The following TEK variants were observed in gnomAD, a reference collection of about 807,000 sequenced individuals.
TEK encodes TEK receptor tyrosine kinase, also known as angiopoietin-1 receptor.
A neutral mutation model predicts 131.8 loss-of-function variants in TEK; 43 were observed. The ratio of observed to expected loss-of-function variants is 0.33; its 90% confidence interval spans 0.26 to 0.42. The LOEUF (loss-of-function observed/expected upper bound fraction) is 0.42, where lower values mean the gene tolerates loss of function less well. TEK is among the 10% of genes least tolerant of loss of function. The pLI, the probability that TEK is intolerant of heterozygous loss-of-function variation, is 1.00. For missense variants in TEK, 1,162 were observed against 1,384.4 expected (o/e 0.84, Z 2.55); for synonymous variants, 580 against 491.6 (o/e 1.18, Z -2.38).
chr9:27,152,590 G>GAC (rs1823167734), intron 1 of TEK, among the ~76,000 whole-genome samples: 1 of 141,494 alleles, frequency 7.1e-6, no homozygotes, highest in Admixed American at 7.1e-5. Context: ...CTTATATGAA[G>GAC]CCCCCCCGCC....
chr9:27,225,902 C>G (rs1407291411), intron 21 of TEK, among the ~76,000 whole-genome samples: 1 of 151,980 alleles, frequency 6.6e-6, no homozygotes, highest in Non-Finnish European at 1.5e-5. Flanking sequence ...AAAAAAACAA[C>G]CCCATCAAAA....
chr9:27,225,430 A>G (rs1014763479), intron 21 of TEK, among the ~76,000 whole-genome samples: 2 of 152,192 alleles, frequency 1.3e-5, no homozygotes, highest in African/African-American at 4.8e-5. Context: ...CTCAGGAATA[A>G]CACCACACAT....
At chr9:27,190,391 G>A (rs1228154629) in intron 9 of TEK, 138 bp from the exon 10 acceptor site, 2 of 958,188 alleles carry the variant, frequency 2.1e-6, no homozygotes, top group African/African-American at 1.6e-5. Context: ...TTAGAGAGCA[G>A]GTGATCTCAC....
chr9:27,145,023 G>A (rs1822863468), intron 1 of TEK, among the ~76,000 whole-genome samples: 1 of 152,186 alleles, frequency 6.6e-6, no homozygotes, highest in African/African-American at 2.4e-5. Context: ...AAATGTAAGT[G>A]GGGGTTCTTG....
intron 21 of TEK, among the ~76,000 whole-genome samples, chr9:27,221,645 A>G (rs1402521641): frequency 6.6e-6 from 1 of 152,174 alleles, no homozygotes; most frequent in Admixed American, 6.5e-5. Flanking sequence ...ACCTCCAGCC[A>G]ACTCCAGCAG....
chr9:27,169,863 C>T (rs546488491), intron 4 of TEK, among the ~76,000 whole-genome samples: 2 of 152,280 alleles, frequency 1.3e-5, no homozygotes, highest in East Asian at 3.9e-4. Context: ...TTTAATATTA[C>T]AAATACTTGA....
chr9:27,218,822 GTATC>G lies in TEK; in HGVS notation c.3103+9_3103+12del. On this transcript the variant is annotated splice_donor_region_variant and intron_variant, in intron 20 of 22. Transcript: ENST00000380036. ...TATGGGAGATTGTTAGCTTAGGTGA[GTATC>G]TATGTTTATCTACCAGGTGAGACTC... 1.1e-5 allele frequency: 18 copies of G among 1,613,876 alleles called. No individual in the cohort carries two copies. The highest frequency in any genetic ancestry group is 1.4e-5 in the Non-Finnish European group (17 of 1,179,832).
At chr9:27,118,282 T>A (rs1821645709) in intron 1 of TEK, among the ~76,000 whole-genome samples, 1 of 152,194 alleles carries the variant, frequency 6.6e-6, no homozygotes, top group African/African-American at 2.4e-5. Flanking sequence ...TATTATTATT[T>A]TTTTAATAGA....
intron 1 of TEK, among the ~76,000 whole-genome samples, chr9:27,117,156 C>T (rs1301073055): frequency 6.6e-6 from 1 of 152,112 alleles, no homozygotes; most frequent in African/African-American, 2.4e-5. Context: ...TGAGCCACTG[C>T]GCCCGGCCGG....
At chr9:27,212,974 G>C in intron 17 of TEK, 77 bp downstream of exon 17, 1 of 1,477,620 alleles carries the variant, frequency 6.8e-7, no homozygotes, top group Non-Finnish European at 9.2e-7. Context: ...TGTTTGTAGG[G>C]TCTGTCAACC....
At position 27,110,770 on chromosome 9, in the gene TEK, TTAA is replaced by T. The variant is rs780177514; in HGVS notation, c.52+1134_52+1136del. On this transcript the variant is annotated intron_variant, in intron 1 of 22. Coordinates refer to ENST00000380036, the MANE Select transcript of TEK (RefSeq NM_000459.5). ...TCTCAACAACCAATATTTTGAGAATTTAATAATATTCTTTAAGAATGTGTAACA... is the reference window on the plus strand; with the variant it reads ...TCTCAACAACCAATATTTTGAGAATTTAATATTCTTTAAGAATGTGTAACA... 9.2e-5 allele frequency among the ~76,000 whole-genome samples: 14 copies of T among 152,336 alleles called. No individual in the cohort carries two copies. The East Asian group carries it at 2.7e-3, about 29-fold the overall frequency.
At chr9:27,225,079 T>C (rs1325827592) in intron 21 of TEK, among the ~76,000 whole-genome samples, 3 of 152,118 alleles carry the variant, frequency 2.0e-5, no homozygotes, top group Non-Finnish European at 2.9e-5. Context: ...CAAGGAGAAC[T>C]ACAAACCACT....
chr9:27,226,446 C>G (rs945346478), intron 21 of TEK, among the ~76,000 whole-genome samples: 3 of 152,154 alleles, frequency 2.0e-5, no homozygotes, highest in Admixed American at 6.5e-5. Flanking sequence ...ATGGATGAAG[C>G]TGGAAACCAA....
chr9:27,160,232 C>G (rs541359609), intron 2 of TEK, among the ~76,000 whole-genome samples: 56 of 152,024 alleles, frequency 3.7e-4, no homozygotes, highest in South Asian at 1.0e-3. Flanking sequence ...GCTTTGCTGC[C>G]TAGGCTGGTC....
rs778612246 is a variant in TEK, at chr9:27,183,635, T to C, written c.1182+25T>C. On this transcript the variant is annotated intron_variant, in intron 8 of 22. Transcript: ENST00000380036. ...TGTAAGAGCCATTCTTAATTTGCCC[T>C]TCTTAAAGCATGAGATGCTTCAGTG... The C allele has an allele frequency of 1.9e-6, 3 of 1,613,544 alleles. No homozygotes were observed. The Admixed American group carries it at 5.0e-5, about 27-fold the overall frequency.
chr9:27,179,718 A>G (rs1377194324), intron 6 of TEK, among the ~76,000 whole-genome samples: 2 of 152,028 alleles, frequency 1.3e-5, no homozygotes, highest in Non-Finnish European at 2.9e-5. Context: ...TGGATCAAGG[A>G]TCAGCCAAAG....
intron 21 of TEK, among the ~76,000 whole-genome samples, chr9:27,227,577 G>A (rs1826388962): frequency 6.6e-6 from 1 of 152,146 alleles, no homozygotes; most frequent in African/African-American, 2.4e-5. Context: ...CTCATAGATG[G>A]CCATCTTTCT....
chr9:27,202,324 C>G (rs1825245789), intron 12 of TEK, among the ~76,000 whole-genome samples: 1 of 152,190 alleles, frequency 6.6e-6, no homozygotes, highest in African/African-American at 2.4e-5. Flanking sequence ...AGACTATGGA[C>G]TACAGAGCCA....
chr9:27,121,613 G>A (rs1373842567), intron 1 of TEK, among the ~76,000 whole-genome samples: 1 of 151,494 alleles, frequency 6.6e-6, no homozygotes, highest in East Asian at 1.9e-4. Context: ...ATAGATATAT[G>A]TATATATGTG....
Sources: gnomAD v4.1 joint callset for allele counts (sites outside exome capture counted in the v4.1 genomes callset) on GRCh38, gnomAD v4.1.1 for gene constraint, MANE v1.5 for transcripts, NCBI Gene and HGNC (gene_info 2026-07-23, HGNC 2026-07-21) for gene names.